ESR1: variants seen among roughly 807,000 people sequenced by gnomAD.
ESR1 encodes estrogen receptor.
ESR1 carries 12 observed loss-of-function variants against 52.7 expected under a neutral mutation model. The ratio of observed to expected loss-of-function variants is 0.23; its 90% CI spans 0.15 to 0.37. The LOEUF (loss-of-function observed/expected upper bound fraction) is 0.37. Among genes scored for constraint, ESR1 ranks in the 10% least tolerant of loss-of-function variants. The pLI is 1.00. For missense variants in ESR1, 584 were observed against 779.7 expected (o/e 0.75, Z 2.99); for synonymous variants, 305 against 316.8 (o/e 0.96, Z 0.39).
At chr6:151,855,299 G>T (rs1432740905) in intron 2 of ESR1, among the ~76,000 whole-genome samples, 1 of 152,150 alleles carries the variant, frequency 6.6e-6, no homozygotes, top group Non-Finnish European at 1.5e-5. Flanking sequence ...CATGGAGATG[G>T]TTTTTCTCTT....
At chr6:151,945,257 C>A (rs932661768) in intron 4 of ESR1, among the ~76,000 whole-genome samples, 1 of 152,180 alleles carries the variant, frequency 6.6e-6, no homozygotes, top group Admixed American at 6.5e-5. Context: ...AGAGAAAGAT[C>A]TTTATGGATT....
intron 6 of ESR1, among the ~76,000 whole-genome samples, chr6:152,067,561 A>G (rs367932720): frequency 6.6e-6 from 1 of 152,182 alleles, no homozygotes; most frequent in Non-Finnish European, 1.5e-5. Flanking sequence ...GTATGGACCC[A>G]GTTTAAAAGG....
chr6:152,028,603 G>T (rs981460750), intron 5 of ESR1, among the ~76,000 whole-genome samples: 1 of 152,162 alleles, frequency 6.6e-6, no homozygotes, highest in Non-Finnish European at 1.5e-5. Flanking sequence ...GGGGACGGGC[G>T]CCTGCCATTG....
upstream of ESR1, among the ~76,000 whole-genome samples, chr6:151,687,825 AT>A (rs1274859431): frequency 6.6e-6 from 1 of 152,234 alleles, no homozygotes; most frequent in Non-Finnish European, 1.5e-5. Flanking sequence ...TTTTAAAAAA[AT>A]AAAGATGTAG....
At chr6:151,924,106 C>T (rs538720452) in intron 3 of ESR1, among the ~76,000 whole-genome samples, 14 of 152,226 alleles carry the variant, frequency 9.2e-5, no homozygotes, top group African/African-American at 2.6e-4. Context: ...TGCAGTGGCA[C>T]GATCTTCGCT....
intron 1 of ESR1, among the ~76,000 whole-genome samples, chr6:151,696,352 A>G (rs773896370): frequency 7.1e-4 from 108 of 152,120 alleles, no homozygotes; most frequent in Non-Finnish European, 1.3e-3. Context: ...CATGCCTGTA[A>G]TACCAGCTAC....
chr6:152,026,674 T>G (rs912437559), intron 5 of ESR1, among the ~76,000 whole-genome samples: 31 of 152,022 alleles, frequency 2.0e-4, no homozygotes, highest in African/African-American at 7.2e-4. Flanking sequence ...TTATTTTGCT[T>G]TCAGGTATTT....
chr6:152,111,370 G>A (rs914893642), intron 6 of ESR1, among the ~76,000 whole-genome samples: 3 of 152,218 alleles, frequency 2.0e-5, no homozygotes, highest in African/African-American at 7.2e-5. Flanking sequence ...AGTGGCAGAC[G>A]CTAGGCCGTT....
At chr6:151,907,263 T>A (rs1015715132) in intron 3 of ESR1, among the ~76,000 whole-genome samples, 1 of 152,114 alleles carries the variant, frequency 6.6e-6, no homozygotes, top group African/African-American at 2.4e-5. Context: ...TTAATGAGAT[T>A]GCATTAAACT....
At chr6:151,902,072 A>G (rs1466111387) in intron 3 of ESR1, among the ~76,000 whole-genome samples, 2 of 152,250 alleles carry the variant, frequency 1.3e-5, no homozygotes, top group African/African-American at 2.4e-5. Flanking sequence ...TTCTTGGCCT[A>G]AATCATTTAC....
chr6:151,894,667 T>C (rs1195575602), intron 3 of ESR1, among the ~76,000 whole-genome samples: 2 of 152,200 alleles, frequency 1.3e-5, no homozygotes, highest in Admixed American at 1.3e-4. Flanking sequence ...TTTATGTTTT[T>C]GTTGGCTTTG....
chr6:152,087,458 T>C (rs1299282047), intron 6 of ESR1, among the ~76,000 whole-genome samples: 1 of 152,210 alleles, frequency 6.6e-6, no homozygotes, highest in African/African-American at 2.4e-5. Context: ...ACAAAATGTA[T>C]AATGGCTCAA....
exon 7 of ESR1, chr6:152,126,626 A>C (rs1024009701): frequency 6.6e-6 from 1 of 152,188 alleles, no homozygotes; most frequent in Non-Finnish European, 1.5e-5. Flanking sequence ...ATTTTTATTT[A>C]TTTTTCTCAC....
intron 1 of ESR1, among the ~76,000 whole-genome samples, chr6:151,825,369 T>C (rs1389550343): frequency 1.3e-5 from 2 of 152,106 alleles, no homozygotes; most frequent in African/African-American, 4.8e-5. Context: ...AACAAAAGGA[T>C]ATGCATGGGA....
chr6:151,670,830 G>A (rs564054974), intron 1 of ESR1, among the ~76,000 whole-genome samples: 304 of 145,792 alleles, frequency 2.1e-3, no homozygotes, highest in African/African-American at 7.4e-3. Context: ...GTGCAGTGGC[G>A]CAATCTCGGC....
rs377625740 is a variant in ESR1 at position 151,733,911 on chromosome 6, C to T, written c.-71+31906C>T. ...TCACAGATAAACTTCTGCCCTCCAC[C>T]GGATGCCTCTATCTTACACAATTAT... On this transcript the variant is annotated intron_variant, in intron 2 of 2. Transcript: ENST00000404742. 1.2e-4 allele frequency among the ~76,000 whole-genome samples: 18 copies of T among 152,268 alleles called. 1 individual carries two copies. In the South Asian group the frequency reaches 3.3e-3, roughly 28 times the overall value.
chr6:151,918,966 T>C (rs2031004287), intron 3 of ESR1, among the ~76,000 whole-genome samples: 1 of 152,160 alleles, frequency 6.6e-6, no homozygotes, highest in South Asian at 2.1e-4. Flanking sequence ...TTAAAATGAG[T>C]TGCATTATTA....
intron 3 of ESR1, among the ~76,000 whole-genome samples, chr6:151,882,513 C>T (rs1429693872): frequency 2.0e-5 from 3 of 152,170 alleles, no homozygotes; most frequent in Admixed American, 2.0e-4. Flanking sequence ...CTTAATTAAA[C>T]TTACAAAATG....
intron 3 of ESR1, among the ~76,000 whole-genome samples, chr6:151,888,291 G>GTCTA (rs1466324016): frequency 6.6e-6 from 1 of 152,056 alleles, no homozygotes; most frequent in East Asian, 1.9e-4. Context: ...AATTCTTCCA[G>GTCTA]TCTATGTATG....
Sources: allele counts gnomAD v4.1 joint callset (sites outside exome capture counted in the v4.1 genomes callset), GRCh38; gene constraint gnomAD v4.1.1; transcripts MANE v1.5; gene names NCBI Gene and HGNC (gene_info 2026-07-23, HGNC 2026-07-21).